NBAS: variants seen among roughly 807,000 people sequenced by gnomAD.
NBAS encodes NBAS subunit of NRZ tethering complex.
A neutral mutation model predicts 302.5 loss-of-function variants in NBAS; 219 were observed. The ratio of observed to expected loss-of-function variants is 0.72; its 90% CI spans 0.65 to 0.81. The LOEUF (loss-of-function observed/expected upper bound fraction) is 0.81, where lower values mean the gene tolerates loss of function less well. Ranked by LOEUF, NBAS falls within the 30% of genes least tolerant of loss-of-function variation. NBAS has a pLI of 0.00. For synonymous variants in NBAS, 1,118 were observed against 1,021.6 expected (o/e 1.09, Z -1.80); for missense variants, 2,932 against 2,841.6 (o/e 1.03, Z -0.72).
chr2:14,788,569 A>AGTTTG, the NBAS span, among the ~76,000 whole-genome samples: 3 of 151,968 alleles, frequency 2.0e-5, no homozygotes, highest in African/African-American at 7.3e-5. Context: ...GGTCTGTTGG[A>AGTTTG]GTTTGCTAGA....
At chr2:15,439,062 G>T (rs746035009) in intron 21 of NBAS, among the ~76,000 whole-genome samples, 4 of 152,106 alleles carry the variant, frequency 2.6e-5, no homozygotes, top group Admixed American at 2.6e-4. Flanking sequence ...TTGGGAGGCC[G>T]AGGCAGGCGG....
In NBAS at chr2:15,218,878, C is replaced by T. The variant is rs774022129; in HGVS notation, c.6327G>A (p.Val2109=). 27 of 1,614,138 alleles carry T rather than the reference C, an allele frequency of 1.7e-5. No homozygotes were observed. The highest frequency in any genetic ancestry group is 8.8e-5 in the South Asian group (8 of 91,096). ...DAWPVRPRIH[V]LQILGQSFHL... is the part of the protein sequence containing the mutation. ...GAAATGATTGCCCCAAAATCTGCAGCACGTGAATGCGGGGCCGCACCGGCC... is the reference window on the plus strand; with the variant it reads ...GAAATGATTGCCCCAAAATCTGCAGTACGTGAATGCGGGGCCGCACCGGCC... The change falls in exon 48 of 52, where the codon GTG becomes GTA. Residue 2109 remains valine (V), a synonymous_variant. Transcript: ENST00000281513.
chr2:15,530,299 C>G (rs1330900574), intron 9 of NBAS, among the ~76,000 whole-genome samples: 2 of 151,954 alleles, frequency 1.3e-5, no homozygotes, highest in African/African-American at 4.8e-5. Context: ...CATTTCAACT[C>G]CCTTTTCTCT....
the NBAS span, among the ~76,000 whole-genome samples, chr2:15,079,923 T>C: frequency 6.6e-6 from 1 of 152,208 alleles, no homozygotes; most frequent in Non-Finnish European, 1.5e-5. Flanking sequence ...TTCAAACTTA[T>C]TTGGCATGAT....
chr2:15,390,735 T>C (rs563600544), intron 28 of NBAS, among the ~76,000 whole-genome samples: 59 of 152,264 alleles, frequency 3.9e-4, no homozygotes, highest in Admixed American at 1.0e-3. Flanking sequence ...AAATAAGACT[T>C]AATTTTTTAA....
At chr2:15,559,617 G>T (rs921361567) in intron 1 of NBAS, among the ~76,000 whole-genome samples, 1 of 152,196 alleles carries the variant, frequency 6.6e-6, no homozygotes, top group Non-Finnish European at 1.5e-5. Context: ...GCCCTGGGAA[G>T]AGATATAAAG....
the NBAS span, among the ~76,000 whole-genome samples, chr2:15,065,332 A>G: frequency 1.3e-5 from 2 of 152,252 alleles, no homozygotes; most frequent in Non-Finnish European, 2.9e-5. Context: ...TTTCTCTAAG[A>G]CCAGAAACAA....
chr2:15,488,603 C>T (rs1465832659), intron 12 of NBAS, among the ~76,000 whole-genome samples: 1 of 152,106 alleles, frequency 6.6e-6, no homozygotes, highest in Admixed American at 6.5e-5. Context: ...TTAACATCTC[C>T]ATTCTGTACT....
intron 21 of NBAS, among the ~76,000 whole-genome samples, chr2:15,437,288 T>C (rs1351213171): frequency 6.6e-6 from 1 of 151,870 alleles, no homozygotes; most frequent in Non-Finnish European, 1.5e-5. Flanking sequence ...TTTGAGACCA[T>C]CCTGGGTGAC....
rs774758354 is a variant in NBAS, at chr2:15,424,393, CCTGAACCTTAGTAACTCAGG to C, written c.2479_2498del (p.Pro827AspfsTer50). 2 of 1,614,156 alleles carry C rather than the reference CCTGAACCTTAGTAACTCAGG, an allele frequency of 1.2e-6. No individual in the cohort carries two copies. The highest frequency in any genetic ancestry group is 1.7e-6 in the Non-Finnish European group (2 of 1,180,006). ...CCTTCTCCACCGTAAGCTGGGTCAT[CCTGAACCTTAGTAACTCAGG>C]CTGTGCAGCATACAAGAATTCACTT... is the stretch of plus-strand genomic sequence containing the variant. On this transcript the variant is annotated frameshift_variant, in exon 23 of 52. Coordinates refer to ENST00000281513, the MANE Select transcript of NBAS (RefSeq NM_015909.4). LOFTEE classifies it high-confidence loss of function.
the NBAS span, among the ~76,000 whole-genome samples, chr2:15,079,740 G>C: frequency 6.6e-6 from 1 of 152,214 alleles, no homozygotes; most frequent in African/African-American, 2.4e-5. Flanking sequence ...CCCGTGGATT[G>C]GTCCTCCTTG....
At chr2:15,533,673 G>GGTGTGTGTGTGT (rs1220581737) in intron 9 of NBAS, among the ~76,000 whole-genome samples, 3 of 130,676 alleles carry the variant, frequency 2.3e-5, no homozygotes, top group Non-Finnish European at 4.7e-5. Flanking sequence ...GACTTCGGGG[G>GGTGTGTGTGTGT]GTGTGCGTGT....
At chr2:14,847,995 A>G in the NBAS span, among the ~76,000 whole-genome samples, 1 of 152,202 alleles carries the variant, frequency 6.6e-6, no homozygotes, top group South Asian at 2.1e-4. Context: ...AACAATACAG[A>G]CATATGGAAA....
chr2:14,845,316 T>C, the NBAS span, among the ~76,000 whole-genome samples: 1 of 152,226 alleles, frequency 6.6e-6, no homozygotes, highest in Non-Finnish European at 1.5e-5. Flanking sequence ...AGGTGGTACC[T>C]CTATGAGTCT....
chr2:15,514,995 T>C (rs7578787), intron 9 of NBAS, among the ~76,000 whole-genome samples: 96,926 of 151,986 alleles, frequency 0.64, 31,633 homozygotes, highest in Non-Finnish European at 0.68. Flanking sequence ...GAATCATGTG[T>C]TGTTCCAATC....
At chr2:15,554,613 C>T (rs1294825913) in intron 3 of NBAS, among the ~76,000 whole-genome samples, 1 of 147,928 alleles carries the variant, frequency 6.8e-6, no homozygotes, top group Non-Finnish European at 1.5e-5. Context: ...CAGGACTTAG[C>T]ACACGAGATA....
chr2:15,138,722 G>C, the NBAS span, among the ~76,000 whole-genome samples: 1 of 151,944 alleles, frequency 6.6e-6, no homozygotes. Flanking sequence ...CAATATTCAA[G>C]AGATGCTCAT....
intron 40 of NBAS, among the ~76,000 whole-genome samples, chr2:15,293,193 C>T (rs1670390213): frequency 6.6e-6 from 1 of 152,132 alleles, no homozygotes. Flanking sequence ...TAAGTGTTCT[C>T]AATAACAAAG....
chr2:15,470,930 C>G (rs181771325), intron 16 of NBAS, among the ~76,000 whole-genome samples: 2 of 152,156 alleles, frequency 1.3e-5, no homozygotes, highest in African/African-American at 4.8e-5. Flanking sequence ...CATTGCAATC[C>G]AGCCTGGGCA....
Sources: allele counts gnomAD v4.1 joint callset (sites outside exome capture counted in the v4.1 genomes callset), GRCh38; gene constraint gnomAD v4.1.1; transcripts MANE v1.5; gene names NCBI Gene and HGNC (gene_info 2026-07-23, HGNC 2026-07-21).